The following PAQR5 variants were observed in gnomAD, a reference collection of about 807,000 sequenced individuals.
The protein encoded by PAQR5 is progestin and adipoQ receptor family member 5, also known as membrane progestin receptor gamma.
Under a neutral mutation model 34.5 loss-of-function variants are expected in PAQR5, and 20 were observed. The observed-to-expected ratio is 0.58, with a 90% CI of 0.41 to 0.84. The LOEUF is 0.84. PAQR5 is among the 40% of genes least tolerant of loss of function. The pLI, the probability that PAQR5 is intolerant of heterozygous loss-of-function variation, is 0.00. For synonymous variants in PAQR5, 131 were observed against 155.6 expected, an observed-to-expected ratio of 0.84 and a Z score of 1.18; for missense variants, 378 against 412.7, an observed-to-expected ratio of 0.92 and a Z score of 0.73.
chr15:69,353,633 G>A (rs938937988), intron 2 of PAQR5, among the ~76,000 whole-genome samples: 2 of 152,182 alleles, frequency 1.3e-5, no homozygotes, highest in African/African-American at 4.8e-5. Context: ...CTCTGAATCA[G>A]CGTTCAATAT....
At chr15:69,360,899 G>C (rs2140845362) in intron 3 of PAQR5, among the ~76,000 whole-genome samples, 1 of 152,280 alleles carries the variant, frequency 6.6e-6, no homozygotes. Flanking sequence ...AAGCACTTAT[G>C]ACTTGCCCCA....
At chr15:69,403,162 T>A (rs983453140) in intron 8 of PAQR5, among the ~76,000 whole-genome samples, 2 of 152,254 alleles carry the variant, frequency 1.3e-5, no homozygotes, top group African/African-American at 4.8e-5. Context: ...GACTGGTGGA[T>A]AAGTTGTTTT....
chr15:69,363,704 C>T (rs914016510), intron 3 of PAQR5, among the ~76,000 whole-genome samples: 2 of 151,838 alleles, frequency 1.3e-5, no homozygotes, highest in African/African-American at 4.8e-5. Flanking sequence ...AGGTGCACGC[C>T]ACCATGCCCA....
chr15:69,324,129 CAAAAAAA>C (rs55634756), intron 1 of PAQR5, among the ~76,000 whole-genome samples: 2 of 135,486 alleles, frequency 1.5e-5, no homozygotes, highest in African/African-American at 5.5e-5. Context: ...ATAGCTAGGG[CAAAAAAA>C]AAAAAAAAGA....
chr15:69,326,996 T>G (rs952674785), intron 1 of PAQR5, among the ~76,000 whole-genome samples: 2 of 147,164 alleles, frequency 1.4e-5, no homozygotes, highest in African/African-American at 5.0e-5. Context: ...TCATGCTGGG[T>G]TTTTTTTTTA....
chr15:69,382,401 C>G (rs2055909882), intron 4 of PAQR5, among the ~76,000 whole-genome samples: 1 of 152,030 alleles, frequency 6.6e-6, no homozygotes, highest in Admixed American at 6.5e-5. Flanking sequence ...AATCCCAGTA[C>G]TCTGGGAGGC....
intron 1 of PAQR5, among the ~76,000 whole-genome samples, chr15:69,334,278 T>G (rs751079475): frequency 4.6e-4 from 70 of 152,286 alleles, no homozygotes; most frequent in Non-Finnish European, 9.4e-4. Flanking sequence ...TCCACCCACC[T>G]CGGCCTTCCA....
At chr15:69,300,598 T>TTTCTTTCTTTCC in intron 1 of PAQR5, among the ~76,000 whole-genome samples, 1 of 23,692 alleles carries the variant, frequency 4.2e-5, no homozygotes, top group Admixed American at 3.8e-4. Flanking sequence ...TCCTTCTTTC[T>TTTCTTTCTTTCC]TTCTTTCTTT....
intron 6 of PAQR5, among the ~76,000 whole-genome samples, chr15:69,392,484 C>T (rs1354212782): frequency 6.6e-6 from 1 of 152,124 alleles, no homozygotes; most frequent in Non-Finnish European, 1.5e-5. Context: ...TGTGCCTATT[C>T]CATCTATCCA....
chr15:69,319,413 A>G (rs2054043568), intron 1 of PAQR5, among the ~76,000 whole-genome samples: 1 of 151,262 alleles, frequency 6.6e-6, no homozygotes, highest in Non-Finnish European at 1.5e-5. Flanking sequence ...AACGGATTCT[A>G]GGCCATGTGA....
Position 69,384,658 on chromosome 15 carries a change from T to C in PAQR5, c.180-19T>C, listed in dbSNP as rs180722633. On this transcript the variant is annotated intron_variant, in intron 4 of 8. Coordinates refer to ENST00000395407, the MANE Select transcript of PAQR5 (RefSeq NM_017705.4). The stretch of plus-strand genomic sequence containing the variant: ...CTCTGTGTTCATGGTGGAGGGTGAG[T>C]GAGCCCTCTGTGTTCCAGGTTCTTT... 3.8e-6 allele frequency: 6 copies of C among 1,589,464 alleles called. No homozygotes were observed. The East Asian group carries it at 1.1e-4, about 30-fold the overall frequency.
chr15:69,326,265 GC>G (rs1162277658), intron 1 of PAQR5, among the ~76,000 whole-genome samples: 5 of 152,102 alleles, frequency 3.3e-5, no homozygotes, highest in Admixed American at 6.6e-5. Context: ...GCCAAGCCTG[GC>G]AGGAGTAGTG....
At chr15:69,342,343 A>G (rs2047826) in intron 2 of PAQR5, among the ~76,000 whole-genome samples, 5 of 151,234 alleles carry the variant, frequency 3.3e-5, no homozygotes, top group South Asian at 2.1e-4. Context: ...ATATTTGGGG[A>G]AAAATATCTA....
At chr15:69,356,824 C>G (rs1215152222) in intron 2 of PAQR5, among the ~76,000 whole-genome samples, 9 of 152,098 alleles carry the variant, frequency 5.9e-5, no homozygotes, top group South Asian at 2.1e-4. Flanking sequence ...AATTTCCTTC[C>G]TTTTTAAGGA....
chr15:69,399,991 G>A lies in PAQR5; in HGVS notation c.627G>A (p.Gly209=). The change falls in exon 8 of 9, where the codon GGG becomes GGA. Residue 209 remains glycine (G), a synonymous_variant. Coordinates refer to ENST00000395407, the MANE Select transcript of PAQR5 (RefSeq NM_017705.4). ...ACCTGCAGCTATTCCTGTTCCCAGG[G>A]GAGAGTGCACAAAATGAAGCCACCT... ...PIFYRLFLFP[G]ESAQNEATSY... 1 of 1,614,082 alleles carries A rather than the reference G, an allele frequency of 6.2e-7. No individual in the cohort carries two copies. The highest frequency in any genetic ancestry group is 1.1e-5 in the South Asian group (1 of 91,080).
intron 1 of PAQR5, among the ~76,000 whole-genome samples, chr15:69,325,340 C>T (rs1468206216): frequency 1.3e-5 from 2 of 152,180 alleles, no homozygotes; most frequent in Non-Finnish European, 2.9e-5. Flanking sequence ...CAGGCAGCCA[C>T]AGCACCCTGG....
At chr15:69,305,275 G>A (rs2053689338) in intron 1 of PAQR5, among the ~76,000 whole-genome samples, 1 of 152,058 alleles carries the variant, frequency 6.6e-6, no homozygotes. Context: ...TCCATCTCTG[G>A]TTGAGACCCC....
At chr15:69,367,527 C>T (rs921680416) in intron 3 of PAQR5, among the ~76,000 whole-genome samples, 1 of 152,200 alleles carries the variant, frequency 6.6e-6, no homozygotes, top group African/African-American at 2.4e-5. Context: ...CAGCCATCTC[C>T]TGGCTGCCCC....
At chr15:69,362,056 C>T (rs374425263) in intron 3 of PAQR5, among the ~76,000 whole-genome samples, 34 of 152,024 alleles carry the variant, frequency 2.2e-4, no homozygotes, top group African/African-American at 4.3e-4. Flanking sequence ...AGAGTATGTC[C>T]GCAGGAAAGA....
Sources: allele counts gnomAD v4.1 joint callset (sites outside exome capture counted in the v4.1 genomes callset), GRCh38; gene constraint gnomAD v4.1.1; transcripts MANE v1.5; gene names NCBI Gene and HGNC (gene_info 2026-07-23, HGNC 2026-07-21).